Variants in MTMR7 observed in about 807,000 individuals in gnomAD.
The protein encoded by MTMR7 is myotubularin related protein 7.
MTMR7 carries 76 observed loss-of-function variants against 81.2 expected under a neutral mutation model. The ratio of observed to expected loss-of-function variants is 0.94; its 90% CI spans 0.78 to 1.13. MTMR7 has a LOEUF of 1.13. Ranked by LOEUF, MTMR7 falls within the 50% of genes most tolerant of loss-of-function variation. The pLI, the probability that MTMR7 is intolerant of heterozygous loss-of-function variation, is 0.00. For missense variants in MTMR7, 1,044 were observed against 820.0 expected (o/e 1.27, Z -3.34); for synonymous variants, 372 against 289.8 (o/e 1.28, Z -2.88).
intron 7 of MTMR7, among the ~76,000 whole-genome samples, chr8:17,329,935 G>A (rs1452163966): frequency 6.6e-6 from 1 of 152,154 alleles, no homozygotes; most frequent in African/African-American, 2.4e-5. Context: ...GGGCTGAGAT[G>A]TTTTCAGATG....
intron 1 of MTMR7, among the ~76,000 whole-genome samples, chr8:17,386,645 GATGGCT>G (rs1820952401): frequency 6.6e-6 from 1 of 151,774 alleles, no homozygotes; most frequent in African/African-American, 2.4e-5. Flanking sequence ...CTCTGCTCAT[GATGGCT>G]CCAGTTGCCC....
intron 6 of MTMR7, among the ~76,000 whole-genome samples, chr8:17,333,342 T>C (rs1483981072): frequency 6.6e-6 from 1 of 152,258 alleles, no homozygotes; most frequent in African/African-American, 2.4e-5. Flanking sequence ...CCTATAGACA[T>C]TGTTCTTCCA....
intron 3 of MTMR7, among the ~76,000 whole-genome samples, chr8:17,366,669 G>A (rs1820233082): frequency 6.6e-6 from 1 of 152,120 alleles, no homozygotes; most frequent in African/African-American, 2.4e-5. Flanking sequence ...GGCGGATCAT[G>A]AGGTCAGGAG....
In MTMR7 at chr8:17,411,978, G is replaced by A. The variant is rs1174787096; in HGVS notation, c.24+1291C>T. Reference sequence around the variant, plus strand: ...GTCCATGAGTTAAATTCACCCTTCTGGAATAAATTATTTAGTACCACTTAA... The same window carrying A: ...GTCCATGAGTTAAATTCACCCTTCTAGAATAAATTATTTAGTACCACTTAA... On this transcript the variant is annotated intron_variant, in intron 1 of 13. Transcript: ENST00000180173. Among the ~76,000 whole-genome samples the A allele has an allele frequency of 2.0e-5, 3 of 152,152 alleles. No individual in the cohort carries two copies. In the East Asian group the frequency reaches 5.8e-4, roughly 29 times the overall value.
intron 10 of MTMR7, among the ~76,000 whole-genome samples, chr8:17,307,674 G>T (rs1004368100): frequency 2.6e-5 from 4 of 152,204 alleles, no homozygotes; most frequent in African/African-American, 9.6e-5. Flanking sequence ...AAGAAAATGT[G>T]GCACATATAC....
chr8:17,347,834 G>T (rs999551838), intron 5 of MTMR7, among the ~76,000 whole-genome samples: 2 of 152,092 alleles, frequency 1.3e-5, no homozygotes, highest in Admixed American at 1.3e-4. Context: ...TGAAAGGGAG[G>T]TGTCACGTGG....
chr8:17,389,833 G>C (rs1183954134), intron 1 of MTMR7, among the ~76,000 whole-genome samples: 1 of 150,300 alleles, frequency 6.7e-6, no homozygotes, highest in Non-Finnish European at 1.5e-5. Flanking sequence ...TACTGGAGGA[G>C]AAAAAAAAAC....
Position 17,372,005 on chromosome 8 carries a change from A to G in MTMR7, c.148-806T>C, listed in dbSNP as rs1057224122. 3.9e-5 allele frequency among the ~76,000 whole-genome samples: 6 copies of G among 152,050 alleles called. 1 individual carries two copies. The highest frequency in any genetic ancestry group is 1.3e-4 in the Admixed American group (2 of 15,274). ...TCTTTTGGAAACTTTGTGCCCTTCA[A>G]TCAATATCTCCTCATTCCCTCCCCC... On this transcript the variant is annotated intron_variant, in intron 2 of 13. Transcript: ENST00000180173.
chr8:17,409,177 G>A (rs1331967567), intron 1 of MTMR7, among the ~76,000 whole-genome samples: 3 of 152,108 alleles, frequency 2.0e-5, no homozygotes, highest in Admixed American at 2.0e-4. Context: ...AAAGTAATGA[G>A]GCTGGGCACA....
At chr8:17,303,997 G>A (rs182897123) in intron 12 of MTMR7, among the ~76,000 whole-genome samples, 76 of 152,118 alleles carry the variant, frequency 5.0e-4, no homozygotes, top group African/African-American at 1.3e-3. Context: ...GTTGTATAAC[G>A]GCAAAAACCA....
intron 1 of MTMR7, among the ~76,000 whole-genome samples, chr8:17,374,025 A>C (rs1452887477): frequency 6.6e-6 from 1 of 152,230 alleles, no homozygotes; most frequent in Non-Finnish European, 1.5e-5. Flanking sequence ...AGCCACCATA[A>C]CCACCAGAGG....
chr8:17,309,231 A>C, intron 10 of MTMR7, 46 bp downstream of exon 10: 3 of 1,225,468 alleles, frequency 2.4e-6, no homozygotes, highest in Non-Finnish European at 3.5e-6. Flanking sequence ...TTTCAGAAAC[A>C]GTGCTTTTAT....
rs200158318 is a variant in MTMR7, at chr8:17,361,141, G to A, written c.444C>T (p.Leu148=). The A allele has an allele frequency of 2.5e-6, 4 of 1,613,990 alleles. No homozygotes were observed. In the African/African-American group the frequency reaches 5.3e-5, roughly 22 times the overall value. The part of the protein sequence containing the change: ...RMGLPNHYWQ[L]SDVNRDYRVC... ...CTCTGTAGTCTCTATTCACATCGCT[G>A]AGCTGCCAGTAATGATTAGGGAGGC... is the stretch of plus-strand genomic sequence containing the variant. Residue 148 remains leucine (L), a synonymous_variant, in exon 4 of 14, where the codon CTC becomes CTT. Coordinates refer to ENST00000180173, the MANE Select transcript of MTMR7 (RefSeq NM_004686.5).
intron 1 of MTMR7, among the ~76,000 whole-genome samples, chr8:17,394,136 G>T (rs1224155670): frequency 1.3e-5 from 2 of 152,172 alleles, no homozygotes; most frequent in African/African-American, 4.8e-5. Context: ...AAAACTGTTA[G>T]CCTCTCAACA....
intron 5 of MTMR7, among the ~76,000 whole-genome samples, chr8:17,342,749 A>C (rs1819440661): frequency 6.6e-6 from 1 of 152,116 alleles, no homozygotes; most frequent in African/African-American, 2.4e-5. Context: ...CCTGAGGCCT[A>C]CAGCCAGATT....
intron 6 of MTMR7, among the ~76,000 whole-genome samples, chr8:17,339,329 T>G (rs1299559564): frequency 1.3e-5 from 2 of 152,220 alleles, no homozygotes; most frequent in African/African-American, 4.8e-5. Context: ...TGGTGTTTGG[T>G]ATACCCACAG....
intron 10 of MTMR7, among the ~76,000 whole-genome samples, chr8:17,307,857 A>T (rs977682943): frequency 2.0e-5 from 3 of 150,470 alleles, no homozygotes; most frequent in African/African-American, 7.3e-5. Flanking sequence ...AGGACACAGG[A>T]AGGGGAACAT....
At chr8:17,387,476 T>G (rs1042527735) in intron 1 of MTMR7, among the ~76,000 whole-genome samples, 1 of 152,216 alleles carries the variant, frequency 6.6e-6, no homozygotes, top group Admixed American at 6.5e-5. Flanking sequence ...GGGGAAAGGA[T>G]AAATGAATAT....
At chr8:17,395,942 A>G (rs1047320383) in intron 1 of MTMR7, among the ~76,000 whole-genome samples, 2 of 152,230 alleles carry the variant, frequency 1.3e-5, no homozygotes, top group African/African-American at 4.8e-5. Flanking sequence ...TCATACTGGG[A>G]AATGTATTTA....
Sources: gnomAD v4.1 joint callset for allele counts (sites outside exome capture counted in the v4.1 genomes callset) on GRCh38, gnomAD v4.1.1 for gene constraint, MANE v1.5 for transcripts, NCBI Gene and HGNC (gene_info 2026-07-23, HGNC 2026-07-21) for gene names.